The following ATL1 variants were observed in gnomAD, a reference collection of about 807,000 sequenced individuals.
The protein encoded by ATL1 is atlastin-1.
Under a neutral mutation model 75.5 loss-of-function variants are expected in ATL1, and 31 were observed. The ratio of observed to expected loss-of-function variants is 0.41; its 90% CI spans 0.31 to 0.55. The LOEUF is 0.55. ATL1 is among the 20% of genes least tolerant of loss of function. ATL1 has a pLI of 0.27. For synonymous variants in ATL1, 226 were observed against 233.3 expected (o/e 0.97, Z 0.28); for missense variants, 405 against 662.6 (o/e 0.61, Z 4.27).
At chr14:50,597,838 G>A (rs1326393151) in intron 6 of ATL1, among the ~76,000 whole-genome samples, 1 of 152,038 alleles carries the variant, frequency 6.6e-6, no homozygotes, top group African/African-American at 2.4e-5. Context: ...GAGACTACAG[G>A]TGCCCGCCAC....
At chr14:50,546,381 C>T (rs942027107) in intron 1 of ATL1, among the ~76,000 whole-genome samples, 36 of 150,254 alleles carry the variant, frequency 2.4e-4, no homozygotes, top group East Asian at 5.8e-4. Flanking sequence ...TGTGTGTGTG[C>T]GTGTGTGTGT....
At chr14:50,599,360 A>G (rs1319142970) in intron 6 of ATL1, among the ~76,000 whole-genome samples, 1 of 152,216 alleles carries the variant, frequency 6.6e-6, no homozygotes, top group Non-Finnish European at 1.5e-5. Context: ...TAAAACAACA[A>G]TGAAATACCA....
intron 1 of ATL1, among the ~76,000 whole-genome samples, chr14:50,587,309 C>G (rs1354415796): frequency 1.3e-5 from 2 of 152,160 alleles, no homozygotes; most frequent in African/African-American, 4.8e-5. Context: ...TTTTTTGATT[C>G]AGTCATATGA....
rs1555364084 is a variant in ATL1, at chr14:50,592,929, AAT to A, written c.523-900_523-899del. 1.5e-3 allele frequency among the ~76,000 whole-genome samples: 171 copies of A among 113,866 alleles called. 1 individual carries two copies. Among genetic ancestry groups the A allele is most frequent in the East Asian group, 3.6e-3 (16 of 4,390 alleles). 74.7% of individuals were successfully genotyped at this position (113,866 alleles called of 152,430 possible). ...CTCCCGTCTCAAAAAAAAAAAAAAA[AAT>A]ATATATATATATATATGTGTGTGTG... On this transcript the variant is annotated intron_variant, in intron 4 of 13. Coordinates refer to ENST00000358385, the MANE Select transcript of ATL1 (RefSeq NM_015915.5).
intron 1 of ATL1, among the ~76,000 whole-genome samples, chr14:50,563,295 G>GT (rs1294017159): frequency 1.3e-5 from 2 of 152,080 alleles, no homozygotes; most frequent in African/African-American, 2.4e-5. Flanking sequence ...TAGAATCTGG[G>GT]TTTTTTTCCT....
In ATL1 at chr14:50,632,532, T is replaced by C; in HGVS notation, c.*193T>C. ...ATGTATGTATGCATGGTTATACTATTTTGTTAACATGTACAATTTCCTGAT... is the reference window on the plus strand; with the variant it reads ...ATGTATGTATGCATGGTTATACTATCTTGTTAACATGTACAATTTCCTGAT... On this transcript the variant is annotated 3_prime_UTR_variant, in exon 14 of 14. Coordinates refer to ENST00000358385, the MANE Select transcript of ATL1 (RefSeq NM_015915.5). 2 of 469,656 alleles carry C rather than the reference T, an allele frequency of 4.3e-6. No homozygotes were observed. The highest frequency in any genetic ancestry group is 7.8e-6 in the Non-Finnish European group (2 of 254,958). 29.1% of individuals were successfully genotyped at this position (469,656 alleles called of 1,614,324 possible). A position where few individuals can be genotyped will look rare whatever the true frequency, so the allele number is the denominator to read the frequency against.
At chr14:50,616,144 C>T (rs1254408735) in intron 8 of ATL1, among the ~76,000 whole-genome samples, 5 of 152,158 alleles carry the variant, frequency 3.3e-5, no homozygotes, top group South Asian at 2.1e-4. Context: ...AAGGCACGCA[C>T]CACCATGTGC....
intron 1 of ATL1, among the ~76,000 whole-genome samples, chr14:50,541,787 G>A (rs549397184): frequency 1.5e-3 from 226 of 151,984 alleles, no homozygotes; most frequent in Non-Finnish European, 2.8e-3. Context: ...TAGGGAGGCC[G>A]AGGCAGGAGG....
At chr14:50,615,077 T>C (rs1342725975) in intron 8 of ATL1, among the ~76,000 whole-genome samples, 1 of 152,034 alleles carries the variant, frequency 6.6e-6, no homozygotes, top group African/African-American at 2.4e-5. Context: ...AGAGGACTGA[T>C]TGTTACATGA....
At chr14:50,606,998 T>A (rs937384643) in intron 6 of ATL1, among the ~76,000 whole-genome samples, 4 of 152,064 alleles carry the variant, frequency 2.6e-5, no homozygotes, top group African/African-American at 9.7e-5. Context: ...TTAGGACTAA[T>A]GACCCTATAT....
chr14:50,623,179 C>A lies in ATL1; in HGVS notation c.1050C>A (p.Ala350=), dbSNP rs1435947452. The change falls in exon 11 of 14, where the codon GCC becomes GCA. Residue 350 remains alanine (A), a splice_region_variant and synonymous_variant. Coordinates refer to ENST00000358385, the MANE Select transcript of ATL1 (RefSeq NM_015915.5). ...ELPHPKSMLQ[A]TAEANNLAAV... ...CATATTTTGTACTTTGTCCAAAGGC[C>A]ACAGCAGAAGCTAACAATTTAGCAG... 1 of 1,613,572 alleles carries A rather than the reference C, an allele frequency of 6.2e-7. No homozygotes were observed. Among genetic ancestry groups the A allele is most frequent in the East Asian group, 2.2e-5 (1 of 44,862 alleles).
At chr14:50,621,520 C>T (rs2039466601) in intron 9 of ATL1, among the ~76,000 whole-genome samples, 2 of 152,140 alleles carry the variant, frequency 1.3e-5, no homozygotes, top group African/African-American at 4.8e-5. Flanking sequence ...CTTATGACAT[C>T]AGCAGGGTAC....
chr14:50,573,127 T>C (rs979771843), intron 1 of ATL1, among the ~76,000 whole-genome samples: 2 of 152,096 alleles, frequency 1.3e-5, no homozygotes, highest in African/African-American at 4.8e-5. Context: ...TCCCCCAACA[T>C]ATGGAAATTA....
chr14:50,533,184 C>G (rs116603790), exon 1 of ATL1: 1 of 152,252 alleles, frequency 6.6e-6, no homozygotes, highest in Non-Finnish European at 1.5e-5. Context: ...TGACCTTTGT[C>G]CCTGTTGGGC....
chr14:50,630,966 A>C (rs1270229065), intron 13 of ATL1: 1 of 455,486 alleles, frequency 2.2e-6, no homozygotes, highest in Admixed American at 2.4e-5. Context: ...GTAATGCCAT[A>C]AGAAAATCAA....
At chr14:50,547,038 T>C (rs1285171895) in intron 1 of ATL1, among the ~76,000 whole-genome samples, 1 of 152,090 alleles carries the variant, frequency 6.6e-6, no homozygotes, top group African/African-American at 2.4e-5. Flanking sequence ...AAGTGGGAGT[T>C]GAACAAAGAG....
At chr14:50,569,363 G>C (rs187124479) in intron 1 of ATL1, among the ~76,000 whole-genome samples, 98 of 150,718 alleles carry the variant, frequency 6.5e-4, no homozygotes, top group Admixed American at 1.1e-3. Flanking sequence ...CTGTCTCATT[G>C]AGCTGTGATC....
At chr14:50,616,583 G>A (rs1414316076) in intron 8 of ATL1, among the ~76,000 whole-genome samples, 4 of 151,956 alleles carry the variant, frequency 2.6e-5, no homozygotes, top group Admixed American at 6.6e-5. Context: ...ACAGGCATGA[G>A]CCACCATACT....
At chr14:50,591,112 A>C in intron 3 of ATL1, 37 bp downstream of exon 3, 1 of 1,597,996 alleles carries the variant, frequency 6.3e-7, no homozygotes, top group Non-Finnish European at 8.6e-7. Context: ...TTGAGTTTTC[A>C]CTTATAACAG....
Sources: gnomAD v4.1 joint callset for allele counts (sites outside exome capture counted in the v4.1 genomes callset) on GRCh38, gnomAD v4.1.1 for gene constraint, MANE v1.5 for transcripts, NCBI Gene and HGNC (gene_info 2026-07-23, HGNC 2026-07-21) for gene names.